The following GRIN2A variants were observed in gnomAD, a reference collection of about 807,000 sequenced individuals.
GRIN2A encodes glutamate receptor ionotropic, NMDA 2A.
In GRIN2A, 22 loss-of-function variants were observed where a neutral mutation model predicts 113.4. That is an observed-to-expected ratio of 0.19 (90% confidence interval 0.14 to 0.28). The LOEUF (loss-of-function observed/expected upper bound fraction) is 0.28. Ranked by LOEUF, GRIN2A falls within the 10% of genes least tolerant of loss-of-function variation. GRIN2A has a pLI of 1.00. For missense variants in GRIN2A, 1,502 were observed against 1,887.0 expected (o/e 0.80, Z 3.78); for synonymous variants, 827 against 738.4 (o/e 1.12, Z -1.94).
At chr16:10,148,661 C>A (rs1218034490) in intron 2 of GRIN2A, among the ~76,000 whole-genome samples, 1 of 152,174 alleles carries the variant, frequency 6.6e-6, no homozygotes. Context: ...GTTAACTATA[C>A]CATATTAAAA....
intron 2 of GRIN2A, among the ~76,000 whole-genome samples, chr16:10,025,157 G>C (rs1043440596): frequency 2.0e-5 from 3 of 152,106 alleles, no homozygotes; most frequent in Admixed American, 1.3e-4. Flanking sequence ...AGAGAGATGG[G>C]AGGGGCTAAG....
intron 3 of GRIN2A, among the ~76,000 whole-genome samples, chr16:9,921,486 G>C (rs964924487): frequency 1.3e-5 from 2 of 152,116 alleles, no homozygotes; most frequent in African/African-American, 4.8e-5. Context: ...GCCTCGGAAG[G>C]TCATTCTTCT....
intron 2 of GRIN2A, among the ~76,000 whole-genome samples, chr16:10,084,939 G>A (rs967864068): frequency 2.6e-5 from 4 of 152,108 alleles, no homozygotes; most frequent in African/African-American, 9.7e-5. Flanking sequence ...AGTGTTAGTA[G>A]CAGCCAACAC....
Position 10,157,186 on chromosome 16 carries a change from G to A in GRIN2A, c.414+22812C>T, listed in dbSNP as rs1367245858. On this transcript the variant is annotated intron_variant, in intron 2 of 12. Transcript: ENST00000330684. ...GAAGGTGATAAGGACCAGGTGCCAGGGATGGAGACGAACCAAGAGTTGGGC... is the reference window on the plus strand; with the variant it reads ...GAAGGTGATAAGGACCAGGTGCCAGAGATGGAGACGAACCAAGAGTTGGGC... Among the ~76,000 whole-genome samples, 5 of 152,154 alleles carry A rather than the reference G, an allele frequency of 3.3e-5. No homozygotes were observed. The East Asian group carries it at 9.6e-4, about 29-fold the overall frequency.
intron 2 of GRIN2A, among the ~76,000 whole-genome samples, chr16:10,063,361 A>G (rs1014966845): frequency 2.6e-5 from 4 of 152,186 alleles, no homozygotes; most frequent in African/African-American, 9.7e-5. Context: ...ATCTAAAATA[A>G]AAGTTGAAAT....
intron 4 of GRIN2A, among the ~76,000 whole-genome samples, chr16:9,873,691 C>A (rs1330485166): frequency 6.6e-6 from 1 of 152,190 alleles, no homozygotes; most frequent in Non-Finnish European, 1.5e-5. Context: ...GTCTCTAAAT[C>A]TTAGTCTCTT....
At chr16:9,998,445 T>A (rs966729870) in intron 2 of GRIN2A, among the ~76,000 whole-genome samples, 1 of 152,224 alleles carries the variant, frequency 6.6e-6, no homozygotes, top group Non-Finnish European at 1.5e-5. Flanking sequence ...TTTGGAGTCA[T>A]GAAAATGTTT....
intron 4 of GRIN2A, among the ~76,000 whole-genome samples, chr16:9,878,449 A>G (rs1056091459): frequency 2.0e-5 from 3 of 152,218 alleles, no homozygotes; most frequent in African/African-American, 7.2e-5. Flanking sequence ...GGTCAGTACT[A>G]TTATGGCCTC....
chr16:10,040,065 T>TGC (rs1567254499), intron 2 of GRIN2A, among the ~76,000 whole-genome samples: 4 of 3,454 alleles, frequency 1.2e-3, no homozygotes, highest in Non-Finnish European at 2.0e-3. Context: ...ATAAATACAC[T>TGC]ACACACATCC....
At chr16:9,938,861 A>G (rs1027184138) in intron 2 of GRIN2A, among the ~76,000 whole-genome samples, 1 of 152,194 alleles carries the variant, frequency 6.6e-6, no homozygotes, top group African/African-American at 2.4e-5. Context: ...TGGTTCTAAC[A>G]GAACAAACTC....
At chr16:9,939,553 G>C (rs1343130563) in intron 2 of GRIN2A, among the ~76,000 whole-genome samples, 4 of 152,120 alleles carry the variant, frequency 2.6e-5, no homozygotes, top group Non-Finnish European at 5.9e-5. Context: ...GAAAAGGCAG[G>C]TGATGCATAC....
intron 8 of GRIN2A, 124 bp downstream of exon 8, chr16:9,833,981 T>A (rs2042543300): frequency 1.1e-6 from 1 of 942,652 alleles, no homozygotes; most frequent in East Asian, 2.4e-5. Context: ...TCTCCCAAAG[T>A]GCTGGGATTA....
At chr16:10,076,428 A>C (rs551115818) in intron 2 of GRIN2A, among the ~76,000 whole-genome samples, 21 of 152,166 alleles carry the variant, frequency 1.4e-4, no homozygotes, top group Non-Finnish European at 2.6e-4. Flanking sequence ...CTAAAAGCTA[A>C]AACAAGAGCT....
At chr16:9,829,845 TTCTA>T (rs555462053) in intron 8 of GRIN2A, among the ~76,000 whole-genome samples, 193 bp from the exon 9 acceptor site, 67 of 152,290 alleles carry the variant, frequency 4.4e-4, no homozygotes, top group African/African-American at 1.4e-3. Context: ...CTTCTCACAT[TTCTA>T]TCTAACTGGA....
intron 3 of GRIN2A, among the ~76,000 whole-genome samples, chr16:9,902,982 T>TGGGGG (rs2043960899): frequency 5.5e-4 from 4 of 7,248 alleles, no homozygotes; most frequent in African/African-American, 1.1e-3. Context: ...GGGGGGTGGG[T>TGGGGG]GGGGGTGACG....
At chr16:10,078,815 T>A (rs2047926141) in intron 2 of GRIN2A, among the ~76,000 whole-genome samples, 1 of 152,206 alleles carries the variant, frequency 6.6e-6, no homozygotes, top group Non-Finnish European at 1.5e-5. Context: ...TGGGGCACAG[T>A]GCACTCCACT....
In GRIN2A at chr16:10,180,587, C is replaced by T. The variant is rs776497226; in HGVS notation, c.-18-158G>A. 1.5e-5 allele frequency: 12 copies of T among 814,040 alleles called. No individual in the cohort carries two copies. Among genetic ancestry groups the T allele is most frequent in the Non-Finnish European group, 1.6e-5 (11 of 673,672 alleles). 50.4% of individuals were successfully genotyped at this position (814,040 alleles called of 1,614,324 possible). A position where few individuals can be genotyped will look rare whatever the true frequency, so the allele number is the denominator to read the frequency against. ...CTCCATTCCGAGTCCCCGACGCCAT[C>T]CACATCCCTCGATCCATCTCTAACT... is the stretch of plus-strand genomic sequence containing the variant. On this transcript the variant is annotated intron_variant, in intron 1 of 12. Transcript: ENST00000330684. This position sits in a 1 kb window ranked among gnomAD's most constrained non-coding sequence, Gnocchi z 7.0.
At chr16:10,053,144 C>T (rs1049035385) in intron 2 of GRIN2A, among the ~76,000 whole-genome samples, 2 of 151,930 alleles carry the variant, frequency 1.3e-5, no homozygotes, top group African/African-American at 4.8e-5. Flanking sequence ...TGTTCAGGGC[C>T]ACAACAGTGA....
chr16:9,991,722 A>T (rs181333501), intron 2 of GRIN2A, among the ~76,000 whole-genome samples: 85 of 152,334 alleles, frequency 5.6e-4, no homozygotes, highest in African/African-American at 1.9e-3. Context: ...ATGCAGCCAT[A>T]AAAAAGAACA....
Sources: allele counts gnomAD v4.1 joint callset (sites outside exome capture counted in the v4.1 genomes callset), GRCh38; gene constraint gnomAD v4.1.1; non-coding constraint Gnocchi (gnomAD v3.1); transcripts MANE v1.5; gene names NCBI Gene and HGNC (gene_info 2026-07-23, HGNC 2026-07-21).